The following CSNK2A1 variants were observed in gnomAD, a reference collection of about 807,000 sequenced individuals.
CSNK2A1 encodes casein kinase II subunit alpha.
Under a neutral mutation model 62.9 loss-of-function variants are expected in CSNK2A1, and 10 were observed. The ratio of observed to expected loss-of-function variants is 0.16; its 90% confidence interval spans 0.10 to 0.27. CSNK2A1 has a LOEUF of 0.27. Among genes scored for constraint, CSNK2A1 ranks in the 10% least tolerant of loss-of-function variants. CSNK2A1 has a pLI of 1.00. For synonymous variants in CSNK2A1, 124 were observed against 167.8 expected (o/e 0.74, Z 2.02); for missense variants, 160 against 492.0 (o/e 0.33, Z 6.38).
In CSNK2A1 at chr20:480,661, A is replaced by T. The variant is rs1412642319; in HGVS notation, c.*3300T>A. On this transcript the variant is annotated 3_prime_UTR_variant, in exon 14 of 14. Coordinates refer to ENST00000217244, the MANE Select transcript of CSNK2A1 (RefSeq NM_177559.3). ...ACCTTACCACACAGCCTTTTTAGTT[A>T]AGTGTTTCTTTAACTAGGAAAAGGC... is the stretch of plus-strand genomic sequence containing the variant. The T allele has an allele frequency of 1.3e-5, 2 of 152,130 alleles. No homozygotes were observed. The highest frequency in any genetic ancestry group is 2.9e-5 in the Non-Finnish European group (2 of 68,012). 9.4% of individuals were successfully genotyped at this position (152,130 alleles called of 1,614,324 possible).
At chr20:484,405 A>C (rs115345931) in intron 13 of CSNK2A1, among the ~76,000 whole-genome samples, 293 of 152,342 alleles carry the variant, frequency 1.9e-3, no homozygotes, top group African/African-American at 6.4e-3. Context: ...CCAGTAGCCA[A>C]CCACATGTGG....
Position 475,054 on chromosome 20 carries a change from A to G in CSNK2A1, c.*8907T>C, listed in dbSNP as rs979544541. On this transcript the variant is annotated 3_prime_UTR_variant, in exon 14 of 14. Coordinates refer to ENST00000217244, the MANE Select transcript of CSNK2A1 (RefSeq NM_177559.3). ...ACATTTAGGTACCACCCCAATAAAC[A>G]CAACACCGAGGACCCCCAGAAGCAC... The G allele has an allele frequency of 5.9e-5, 9 of 152,350 alleles. No individual in the cohort carries two copies. The highest frequency in any genetic ancestry group is 2.2e-4 in the African/African-American group (9 of 41,574). 9.4% of individuals were successfully genotyped at this position (152,350 alleles called of 1,614,324 possible).
At chr20:527,108 G>GT (rs2019114869) in intron 2 of CSNK2A1, among the ~76,000 whole-genome samples, 1 of 151,478 alleles carries the variant, frequency 6.6e-6, no homozygotes, top group African/African-American at 2.4e-5. Flanking sequence ...ATGAATTAGG[G>GT]TAAATGTCCA....
chr20:497,994 T>C, intron 6 of CSNK2A1: 1 of 484,456 alleles, frequency 2.1e-6, no homozygotes, highest in Non-Finnish European at 3.7e-6. Flanking sequence ...AAACATATAT[T>C]GCGGAAGCTA....
At chr20:506,729 T>C (rs2018609660) in intron 3 of CSNK2A1, 1 of 152,160 alleles carries the variant, frequency 6.6e-6, no homozygotes, top group Non-Finnish European at 1.5e-5. Flanking sequence ...CTAAAAACAA[T>C]GGACAACATA....
intron 1 of CSNK2A1, among the ~76,000 whole-genome samples, chr20:540,309 C>G (rs150209983): frequency 2.0e-5 from 3 of 152,334 alleles, no homozygotes; most frequent in African/African-American, 7.2e-5. Flanking sequence ...CACAAATAAA[C>G]CAGGCTGCAC....
At chr20:525,133 A>T (rs6515902) in intron 2 of CSNK2A1, among the ~76,000 whole-genome samples, 7,804 of 151,770 alleles carry the variant, frequency 0.051, 615 homozygotes, top group African/African-American at 0.17. Context: ...AATTTTAAAT[A>T]AAAAAAAACA....
chr20:511,593 G>A (rs1364463102), intron 2 of CSNK2A1, among the ~76,000 whole-genome samples: 1 of 151,990 alleles, frequency 6.6e-6, no homozygotes, highest in Non-Finnish European at 1.5e-5. Context: ...TTTGTCCTTT[G>A]TTTTGTTTAT....
At chr20:510,004 T>C (rs62189981) in intron 2 of CSNK2A1, among the ~76,000 whole-genome samples, 2,877 of 152,286 alleles carry the variant, frequency 0.019, 36 homozygotes, top group Middle Eastern at 0.048. Context: ...TAAAGAGACA[T>C]TGCATAAATG....
chr20:512,806 T>G (rs138045657), intron 2 of CSNK2A1, among the ~76,000 whole-genome samples: 1 of 152,254 alleles, frequency 6.6e-6, no homozygotes, highest in Non-Finnish European at 1.5e-5. Flanking sequence ...TTCTATTTCT[T>G]TGATTTTGTA....
intron 6 of CSNK2A1, chr20:498,996 C>T: frequency 3.9e-6 from 1 of 253,364 alleles, no homozygotes; most frequent in Non-Finnish European, 7.6e-6. Flanking sequence ...TTAGGTTGGA[C>T]ATCAGCAGAA....
intron 13 of CSNK2A1, among the ~76,000 whole-genome samples, chr20:485,117 T>TAATAATAATAATA (rs2018065739): frequency 1.5e-5 from 1 of 68,798 alleles, no homozygotes; most frequent in African/African-American, 5.8e-5. Context: ...AAAATATATA[T>TAATAATAATAATA]ATATATATAT....
At chr20:494,898 C>T (rs1052211066) in intron 8 of CSNK2A1, 1 of 152,232 alleles carries the variant, frequency 6.6e-6, no homozygotes, top group Admixed American at 6.5e-5. Flanking sequence ...CTGGGTCCCT[C>T]CCAGTGCTCT....
chr20:511,825 C>T (rs1194676269), intron 2 of CSNK2A1, among the ~76,000 whole-genome samples: 1 of 152,100 alleles, frequency 6.6e-6, no homozygotes, highest in African/African-American at 2.4e-5. Context: ...CATAGGTGTA[C>T]AAACATCTGT....
At chr20:484,265 A>T (rs1382849395) in intron 13 of CSNK2A1, among the ~76,000 whole-genome samples, 189 bp from the exon 14 acceptor site, 2 of 152,220 alleles carry the variant, frequency 1.3e-5, no homozygotes, top group South Asian at 4.1e-4. Context: ...TAATCAATTT[A>T]AGAGACAGGT....
intron 1 of CSNK2A1, among the ~76,000 whole-genome samples, chr20:540,297 T>A (rs1041885591): frequency 6.6e-6 from 1 of 152,206 alleles, no homozygotes; most frequent in African/African-American, 2.4e-5. Context: ...AAAGTTCACA[T>A]TCACAAATAA....
At chr20:514,372 CA>C (rs1298866886) in intron 2 of CSNK2A1, among the ~76,000 whole-genome samples, 1 of 151,092 alleles carries the variant, frequency 6.6e-6, no homozygotes, top group Non-Finnish European at 1.5e-5. Flanking sequence ...AAACAAAAAA[CA>C]AAAACAAGAG....
chr20:478,765 CAAAAAAA>C lies in CSNK2A1; in HGVS notation c.*5189_*5195del, dbSNP rs750062577. ...CAACACGGCAAAACTTCATCTCTACCAAAAAAAAAAAAAAAAAAATTAGCCAAGCATG... is the reference window on the plus strand; with the variant it reads ...CAACACGGCAAAACTTCATCTCTACCAAAAAAAAAAAATTAGCCAAGCATG... On this transcript the variant is annotated 3_prime_UTR_variant, in exon 14 of 14. Coordinates refer to ENST00000217244, the MANE Select transcript of CSNK2A1 (RefSeq NM_177559.3). The C allele has an allele frequency of 8.0e-5, 14 of 175,814 alleles. No individual in the cohort carries two copies. The highest frequency in any genetic ancestry group is 1.2e-4 in the Non-Finnish European group (10 of 86,110). The allele number at this position is 175,814 out of a possible 1,614,324, so 10.9% of individuals were successfully genotyped here.
chr20:523,723 C>G lies in CSNK2A1; in HGVS notation c.-110+4210G>C, dbSNP rs546362670. 2.3e-4 allele frequency among the ~76,000 whole-genome samples: 35 copies of G among 152,040 alleles called. No homozygotes were observed. In the South Asian group the frequency reaches 7.1e-3, roughly 31 times the overall value. ...TGGCTAACACGGTGAAACCCCGTCT[C>G]TACTAAAAATATAAAAAATTAGCCG... On this transcript the variant is annotated intron_variant, in intron 2 of 13. Coordinates refer to ENST00000217244, the MANE Select transcript of CSNK2A1 (RefSeq NM_177559.3).
Sources: gnomAD v4.1 joint callset for allele counts (sites outside exome capture counted in the v4.1 genomes callset) on GRCh38, gnomAD v4.1.1 for gene constraint, MANE v1.5 for transcripts, NCBI Gene and HGNC (gene_info 2026-07-23, HGNC 2026-07-21) for gene names.